The following JADE1 variants were observed in gnomAD, a reference collection of about 807,000 sequenced individuals.
The protein encoded by JADE1 is protein Jade-1.
In JADE1, 14 loss-of-function variants were observed where a neutral mutation model predicts 81.8. The observed-to-expected ratio is 0.17, with a 90% CI of 0.11 to 0.27. The LOEUF (loss-of-function observed/expected upper bound fraction) is 0.27, where lower values mean the gene tolerates loss of function less well. Ranked by LOEUF, JADE1 falls within the 10% of genes least tolerant of loss-of-function variation. The pLI is 1.00. For synonymous variants in JADE1, 353 were observed against 391.9 expected, an observed-to-expected ratio of 0.90 and a Z score of 1.17; for missense variants, 690 against 1,047.9, an observed-to-expected ratio of 0.66 and a Z score of 4.71.
chr4:128,854,958 G>A (rs1730665056), intron 6 of JADE1, among the ~76,000 whole-genome samples: 1 of 152,032 alleles, frequency 6.6e-6, no homozygotes, highest in Non-Finnish European at 1.5e-5. Flanking sequence ...TTTCTGAAAG[G>A]CTGAATTTGT....
intron 1 of JADE1, among the ~76,000 whole-genome samples, chr4:128,822,079 T>G (rs1303599077): frequency 2.6e-5 from 4 of 152,218 alleles, no homozygotes; most frequent in African/African-American, 9.6e-5. Context: ...TGATACTGCA[T>G]CTCAGGAAAG....
chr4:128,855,649 A>G lies in JADE1; in HGVS notation c.716A>G (p.Lys239Arg), dbSNP rs1291243574. ...TCACAGGCCTGTTATGGAATCCTCA[A>G]GGTACCAGAGGGCAGCTGGCTGTGC... ...CVHQACYGIL[K>R]VPEGSWLCRT... The change falls in exon 7 of 11, where the codon AAG (lysine) becomes AGG (arginine). Residue 239 changes from lysine to arginine, a missense_variant. Lys to Arg is a conservative substitution (Grantham distance 26). Around this residue, in one of 8 missense-constraint regions of JADE1, gnomAD observed 84 missense variants for 226.6 expected, o/e 0.37. Coordinates refer to ENST00000226319, the MANE Select transcript of JADE1 (RefSeq NM_199320.4). 1.2e-6 allele frequency: 2 copies of G among 1,613,424 alleles called. No individual in the cohort carries two copies. The highest frequency in any genetic ancestry group is 1.1e-5 in the South Asian group (1 of 91,004).
At chr4:128,833,868 T>C (rs1308026743) in intron 2 of JADE1, among the ~76,000 whole-genome samples, 1 of 152,214 alleles carries the variant, frequency 6.6e-6, no homozygotes, top group Non-Finnish European at 1.5e-5. Flanking sequence ...CTCTCTTCTT[T>C]GGGAGAGCTG....
In JADE1 at chr4:128,846,977, C is replaced by G. The variant is rs1158214775; in HGVS notation, c.296+445C>G. Among the ~76,000 whole-genome samples, 1 of 152,136 alleles carries G rather than the reference C, an allele frequency of 6.6e-6. No individual in the cohort carries two copies. Among genetic ancestry groups the G allele is most frequent in the Non-Finnish European group, 1.5e-5 (1 of 68,026 alleles). ...GCTCTGCCTACTGCGGTTGCCTCTG[C>G]CTTTGGAGGAGGACAGGTGTTAGGA... On this transcript the variant is annotated intron_variant, in intron 4 of 10. Coordinates refer to ENST00000226319, the MANE Select transcript of JADE1 (RefSeq NM_199320.4). This position sits in a 1 kb window ranked among gnomAD's most constrained non-coding sequence, Gnocchi z 4.0.
In JADE1 at chr4:128,867,874, A is replaced by C; in HGVS notation, c.1522A>C (p.Met508Leu). 2 of 1,612,940 alleles carry C rather than the reference A, an allele frequency of 1.2e-6. No homozygotes were observed. The highest frequency in any genetic ancestry group is 1.7e-6 in the Non-Finnish European group (2 of 1,179,030). The stretch of plus-strand genomic sequence containing the variant: ...ATTCTAGGTTCGGAACCTCACTTAC[A>C]TGGTGACCCGCAGGGAAAAGATTAA... ...DLERVRNLTY[M>L]VTRREKIKRS... Residue 508 changes from methionine to leucine, a missense_variant, in exon 10 of 11, where the codon ATG becomes CTG. Met to Leu is a conservative substitution (Grantham distance 15). Transcript: ENST00000226319.
intron 1 of JADE1, among the ~76,000 whole-genome samples, chr4:128,819,611 C>T (rs528754350): frequency 1.3e-5 from 2 of 152,204 alleles, no homozygotes; most frequent in South Asian, 2.1e-4. Context: ...AGAACTCATA[C>T]TCCTGTGGTA....
chr4:128,815,032 G>A (rs1157381520), intron 1 of JADE1, among the ~76,000 whole-genome samples: 1 of 150,716 alleles, frequency 6.6e-6, no homozygotes, highest in Non-Finnish European at 1.5e-5. Flanking sequence ...CCCTTAAGTC[G>A]ATTTTAATCT....
At position 128,863,649 on chromosome 4, in the gene JADE1, T is replaced by C. The variant is rs554119490; in HGVS notation, c.1503+1424T>C. Reference sequence around the variant, plus strand: ...GGATCCTGGAGCAGTTTTGTGAGGCTTTTGTGCTCCCATACGCCCCCTGGT... The same window carrying C: ...GGATCCTGGAGCAGTTTTGTGAGGCCTTTGTGCTCCCATACGCCCCCTGGT... On this transcript the variant is annotated intron_variant, in intron 9 of 10. Coordinates refer to ENST00000226319, the MANE Select transcript of JADE1 (RefSeq NM_199320.4). 1.8e-5 allele frequency: 18 copies of C among 985,382 alleles called. No individual in the cohort carries two copies. In the South Asian group the frequency reaches 8.0e-4, roughly 44 times the overall value. 61.0% of individuals were successfully genotyped at this position (985,382 alleles called of 1,614,324 possible).
At chr4:128,832,652 T>C (rs928252212) in intron 2 of JADE1, among the ~76,000 whole-genome samples, 5 of 152,258 alleles carry the variant, frequency 3.3e-5, no homozygotes, top group Admixed American at 6.5e-5. Context: ...AGATGTCTTT[T>C]TGATGCACTG....
intron 8 of JADE1, among the ~76,000 whole-genome samples, chr4:128,859,782 T>C (rs1455101773): frequency 1.3e-5 from 2 of 152,178 alleles, no homozygotes; most frequent in Non-Finnish European, 2.9e-5. Context: ...AGAGATGATA[T>C]AATGACTTTT....
At chr4:128,819,816 CT>C (rs1287215557) in intron 1 of JADE1, among the ~76,000 whole-genome samples, 2 of 152,136 alleles carry the variant, frequency 1.3e-5, no homozygotes, top group African/African-American at 4.8e-5. Context: ...TTCACATGAC[CT>C]CTTTTTAAAT....
chr4:128,838,556 C>T (rs1208155286), intron 2 of JADE1, among the ~76,000 whole-genome samples: 1 of 152,178 alleles, frequency 6.6e-6, no homozygotes, highest in Admixed American at 6.5e-5. Flanking sequence ...TGTAATCTTA[C>T]CACGCGGTTT....
chr4:128,866,324 A>G (rs897426904), intron 9 of JADE1, among the ~76,000 whole-genome samples: 1 of 152,232 alleles, frequency 6.6e-6, no homozygotes, highest in Non-Finnish European at 1.5e-5. Flanking sequence ...ATTGTTAGAG[A>G]AAAAAAGATG....
At chr4:128,834,530 C>CTTTT (rs202245727) in intron 2 of JADE1, among the ~76,000 whole-genome samples, 19 of 99,208 alleles carry the variant, frequency 1.9e-4, no homozygotes, top group South Asian at 7.0e-4. Context: ...CCAAATATTT[C>CTTTT]TTTTTTTTTT....
intron 1 of JADE1, among the ~76,000 whole-genome samples, chr4:128,813,616 T>A (rs1579080828): frequency 6.6e-6 from 1 of 151,518 alleles, no homozygotes; most frequent in South Asian, 2.1e-4. Flanking sequence ...AGAGACGGGG[T>A]TTCACCATAT....
chr4:128,862,142 G>A lies in JADE1; in HGVS notation c.1420G>A (p.Glu474Lys). The A allele has an allele frequency of 6.2e-7, 1 of 1,614,200 alleles. No homozygotes were observed. Among genetic ancestry groups the A allele is most frequent in the Non-Finnish European group, 8.5e-7 (1 of 1,180,030 alleles). The change falls in exon 9 of 11, where the codon GAG becomes AAG. Residue 474 changes from glutamate to lysine, a missense_variant. Transcript: ENST00000226319. ...KPLITPKKDE[E>K]DNLAKREQDV... is the part of the protein sequence containing the mutation. ...CCTGATCACCCCAAAGAAAGATGAA[G>A]AGGACAATCTAGCCAAGCGGGAGCA...
chr4:128,863,029 G>T (rs746095448), intron 9 of JADE1: 1 of 985,404 alleles, frequency 1.0e-6, no homozygotes, highest in Non-Finnish European at 1.2e-6. Flanking sequence ...TGCTCAGCAC[G>T]CTACAGATGT....
Position 128,871,523 on chromosome 4 carries a change from G to A in JADE1, c.1790G>A (p.Arg597Gln), listed in dbSNP as rs761482570. ...LVHSLKKPHK[R>Q]DPLQNSPGSE... Reference sequence around the variant, plus strand: ...CATTCGCTGAAAAAGCCCCATAAGCGAGATCCTTTGCAGAATAGCCCTGGA... The same window carrying A: ...CATTCGCTGAAAAAGCCCCATAAGCAAGATCCTTTGCAGAATAGCCCTGGA... Residue 597 changes from arginine (R) to glutamine (Q), a missense_variant, in exon 11 of 11, where the codon CGA (arginine) becomes CAA (glutamine). Arg to Gln is a conservative substitution (Grantham distance 43). Coordinates refer to ENST00000226319, the MANE Select transcript of JADE1 (RefSeq NM_199320.4). This position sits in a 1 kb window ranked among gnomAD's most constrained non-coding sequence, Gnocchi z 4.1. 9 of 1,614,012 alleles carry A rather than the reference G, an allele frequency of 5.6e-6. No homozygotes were observed. The highest frequency in any genetic ancestry group is 2.2e-5 in the South Asian group (2 of 91,092).
intron 1 of JADE1, among the ~76,000 whole-genome samples, chr4:128,814,362 G>T (rs1421107746): frequency 1.3e-5 from 2 of 152,140 alleles, no homozygotes; most frequent in East Asian, 3.8e-4. Context: ...ATTAATTTTT[G>T]ACTTTAGCTG....
Sources: gnomAD v4.1 joint callset for allele counts (sites outside exome capture counted in the v4.1 genomes callset) on GRCh38, gnomAD v4.1.1 for gene constraint, gnomAD v4.1.1 regional missense constraint, Gnocchi (gnomAD v3.1) non-coding constraint, MANE v1.5 for transcripts, NCBI Gene and HGNC (gene_info 2026-07-23, HGNC 2026-07-21) for gene names.